Variants in RNF17 observed in about 807,000 individuals in gnomAD.
RNF17 encodes spermatogenesis associated 23.
A neutral mutation model predicts 200.5 loss-of-function variants in RNF17; 31 were observed. That is an observed-to-expected ratio of 0.15 (90% CI 0.12 to 0.21). The LOEUF (loss-of-function observed/expected upper bound fraction) is 0.21, where lower values mean the gene tolerates loss of function less well. RNF17 is among the 10% of genes least tolerant of loss of function. The pLI is 1.00. For missense variants in RNF17, 1,628 were observed against 1,905.1 expected, an observed-to-expected ratio of 0.85 and a Z score of 2.71; for synonymous variants, 606 against 637.8, an observed-to-expected ratio of 0.95 and a Z score of 0.75.
chr13:24,777,543 A>G (rs1028705854), intron 3 of RNF17, among the ~76,000 whole-genome samples: 1 of 152,242 alleles, frequency 6.6e-6, no homozygotes, highest in African/African-American at 2.4e-5. Flanking sequence ...TATAGACTAG[A>G]GAATGCAACT....
chr13:24,763,854 G>A (rs945654520), upstream of RNF17, among the ~76,000 whole-genome samples: 2 of 152,196 alleles, frequency 1.3e-5, no homozygotes, highest in African/African-American at 4.8e-5. Flanking sequence ...ACGTAATAGG[G>A]AAAGGGGATT....
intron 10 of RNF17, 125 bp downstream of exon 10, chr13:24,793,471 A>G: frequency 7.9e-6 from 7 of 886,720 alleles, no homozygotes; most frequent in Non-Finnish European, 1.0e-5. Flanking sequence ...CCTCATTATG[A>G]GTTAAAACCT....
At chr13:24,842,242 AT>A in intron 19 of RNF17, 81 bp downstream of exon 19, 1 of 1,265,964 alleles carries the variant, frequency 7.9e-7, no homozygotes, top group Non-Finnish European at 1.1e-6. Context: ...CTGGCATATC[AT>A]TCCCCATTGG....
intron 32 of RNF17, among the ~76,000 whole-genome samples, chr13:24,871,419 C>T (rs2044884336): frequency 6.6e-6 from 1 of 152,134 alleles, no homozygotes; most frequent in South Asian, 2.1e-4. Flanking sequence ...CTCACTGCAA[C>T]CTCCTGCTCC....
Position 24,844,990 on chromosome 13 carries a change from A to G in RNF17, c.3012A>G (p.Leu1004=), listed in dbSNP as rs1891091341. The G allele has an allele frequency of 6.2e-7, 1 of 1,605,212 alleles. No individual in the cohort carries two copies. The highest frequency in any genetic ancestry group is 1.3e-5 in the African/African-American group (1 of 74,738). The change falls in exon 22 of 36, where the codon CTA becomes CTG. Residue 1004 remains leucine (L), a synonymous_variant. Coordinates refer to ENST00000255324, the MANE Select transcript of RNF17 (RefSeq NM_031277.3). Reference sequence around the variant, plus strand: ...TGCTGTATGATGTGGGTGTTGAACTAGTAGTGAATGTTGACTGTTTAAGAA... The same window carrying G: ...TGCTGTATGATGTGGGTGTTGAACTGGTAGTGAATGTTGACTGTTTAAGAA... ...EVLLYDVGVE[L]VVNVDCLRKL...
At chr13:24,812,322 A>G (rs1011851970) in intron 15 of RNF17, among the ~76,000 whole-genome samples, 1 of 151,864 alleles carries the variant, frequency 6.6e-6, no homozygotes, top group Non-Finnish European at 1.5e-5. Context: ...ACTCTGAGCC[A>G]TGTGCGGGAT....
At chr13:24,765,992 C>G (rs1247403392) in intron 1 of RNF17, among the ~76,000 whole-genome samples, 1 of 152,152 alleles carries the variant, frequency 6.6e-6, no homozygotes, top group African/African-American at 2.4e-5. Flanking sequence ...CTTTGGGAGG[C>G]CGAGGTGGGC....
chr13:24,824,008 TG>T (rs759937792), intron 15 of RNF17, among the ~76,000 whole-genome samples: 1 of 152,244 alleles, frequency 6.6e-6, no homozygotes, highest in South Asian at 2.1e-4. Context: ...AGTTCTGGTC[TG>T]TTCCCTCTGG....
chr13:24,758,332 T>C, the RNF17 span, among the ~76,000 whole-genome samples: 2 of 152,212 alleles, frequency 1.3e-5, no homozygotes, highest in South Asian at 4.1e-4. Context: ...TATAATCAAT[T>C]GTTCCATGCG....
rs546500897 is a variant in RNF17 at position 24,770,972 on chromosome 13, G to C, written c.225+3606G>C. Among the ~76,000 whole-genome samples, 6 of 152,284 alleles carry C rather than the reference G, an allele frequency of 3.9e-5. No homozygotes were observed. The South Asian group carries it at 1.2e-3, about 32-fold the overall frequency. On this transcript the variant is annotated intron_variant, in intron 2 of 35. Coordinates refer to ENST00000255324, the MANE Select transcript of RNF17 (RefSeq NM_031277.3). Reference sequence around the variant, plus strand: ...ATTTGTTTTAGTGTTTTGGCAATTTGATGTAAAAAATGGCTGTTTCCTTGT... The same window carrying C: ...ATTTGTTTTAGTGTTTTGGCAATTTCATGTAAAAAATGGCTGTTTCCTTGT...
At chr13:24,749,997 C>T in the RNF17 span, among the ~76,000 whole-genome samples, 3 of 152,150 alleles carry the variant, frequency 2.0e-5, no homozygotes, top group Non-Finnish European at 4.4e-5. Flanking sequence ...AGTGATCCAC[C>T]TACCTTGGCC....
In RNF17 at chr13:24,828,155, A is replaced by G. The variant is rs573466747; in HGVS notation, c.2246-2329A>G. The stretch of plus-strand genomic sequence containing the variant: ...TCAAATTAGGATTATTGGCTTGAAA[A>G]TGTTATCTATTTGGTGAACAATAAG... On this transcript the variant is annotated intron_variant, in intron 16 of 35. Transcript: ENST00000255324. Among the ~76,000 whole-genome samples the G allele has an allele frequency of 2.6e-4, 39 of 152,312 alleles. 1 individual carries two copies. In the South Asian group the frequency reaches 8.1e-3, roughly 32 times the overall value.
At chr13:24,818,155 G>C (rs1190922892) in intron 15 of RNF17, among the ~76,000 whole-genome samples, 2 of 152,032 alleles carry the variant, frequency 1.3e-5, no homozygotes, top group African/African-American at 4.8e-5. Flanking sequence ...TTGGTAGTTT[G>C]TGGTGTTTAG....
chr13:24,771,405 G>C (rs1302614457), intron 2 of RNF17, among the ~76,000 whole-genome samples: 1 of 135,054 alleles, frequency 7.4e-6, no homozygotes. Flanking sequence ...ATGTTGCCCA[G>C]GCTGGTCACG....
intron 7 of RNF17, 78 bp downstream of exon 7, chr13:24,788,237 A>G: frequency 8.5e-7 from 1 of 1,174,724 alleles, no homozygotes; most frequent in Admixed American, 2.7e-5. Flanking sequence ...TAAGACAAGA[A>G]TTTGTTTTTC....
At chr13:24,764,405 G>C (rs1041844923) in intron 1 of RNF17, 72 bp downstream of exon 1, 2 of 1,481,910 alleles carry the variant, frequency 1.3e-6, no homozygotes, top group Admixed American at 2.2e-5. Context: ...TGAGCTGGTG[G>C]GCGCGTGAGG....
chr13:24,755,335 A>T, the RNF17 span, among the ~76,000 whole-genome samples: 119 of 152,304 alleles, frequency 7.8e-4, no homozygotes, highest in South Asian at 1.7e-3. Context: ...AAAGGATTAC[A>T]CCAAGAGGTA....
At chr13:24,769,188 TAA>T (rs564459527) in intron 2 of RNF17, among the ~76,000 whole-genome samples, 2 of 142,966 alleles carry the variant, frequency 1.4e-5, no homozygotes, top group African/African-American at 5.1e-5. Context: ...GTTCTAATAT[TAA>T]AAAAAAAAAA....
the RNF17 span, chr13:24,885,508 C>CT: frequency 4.2e-6 from 5 of 1,196,816 alleles, no homozygotes; most frequent in Admixed American, 8.5e-5. Context: ...AGTAAAAACT[C>CT]TTTTTTACAC....
Sources: allele counts gnomAD v4.1 joint callset (sites outside exome capture counted in the v4.1 genomes callset), GRCh38; gene constraint gnomAD v4.1.1; transcripts MANE v1.5; gene names NCBI Gene and HGNC (gene_info 2026-07-23, HGNC 2026-07-21).